The following PROSER3 variants were observed in gnomAD, a reference collection of about 807,000 sequenced individuals.
PROSER3 encodes the protein proline and serine-rich protein 3.
Under a neutral mutation model 50.2 loss-of-function variants are expected in PROSER3, and 33 were observed. The ratio of observed to expected loss-of-function variants is 0.66; its 90% CI spans 0.50 to 0.88. The LOEUF is 0.88. PROSER3 is among the 40% of genes least tolerant of loss of function. The probability of loss-of-function intolerance (pLI) is 0.00; values close to 1 mark genes in which losing one functional copy is unlikely to be tolerated. For synonymous variants in PROSER3, 266 were observed against 259.3 expected (o/e 1.03, Z -0.25); for missense variants, 623 against 612.7 (o/e 1.02, Z -0.18).
chr19:35,766,662 T>A lies in PROSER3; in HGVS notation c.770-106T>A, dbSNP rs1008783128. 8 of 763,234 alleles carry A rather than the reference T, an allele frequency of 1.0e-5. No homozygotes were observed. The African/African-American group carries it at 1.2e-4, about 12-fold the overall frequency. The allele number at this position is 763,234 out of a possible 1,614,324, so 47.3% of individuals were successfully genotyped here. ...GCTGGGACAGTATCTGGAGAGCCTG[T>A]CTGAGTAACCCCCTGCACAGTTGGA... On this transcript the variant is annotated intron_variant, in intron 7 of 10. Transcript: ENST00000396908.
intron 3 of PROSER3, among the ~76,000 whole-genome samples, chr19:35,760,850 T>C (rs1568409004): frequency 1.3e-5 from 2 of 152,246 alleles, no homozygotes; most frequent in Admixed American, 6.5e-5. Flanking sequence ...AGTTACTATA[T>C]ATAATGATCT....
At position 35,768,148 on chromosome 19, in the gene PROSER3, G is replaced by A. The variant is rs779537453; in HGVS notation, c.1220-7G>A. The A allele has an allele frequency of 5.6e-6, 9 of 1,612,474 alleles. No individual in the cohort carries two copies. In the East Asian group the frequency reaches 2.0e-4, roughly 36 times the overall value. On this transcript the variant is annotated splice_polypyrimidine_tract_variant and splice_region_variant and intron_variant, in intron 9 of 10. Transcript: ENST00000396908. ...CCTTGGAGCTCATTCTTTTCTCCCC[G>A]GCCCAGACTCCGACGGCAGCGAGTT...
chr19:35,759,416 G>A (rs557976946), exon 2 of PROSER3: 3 of 1,613,334 alleles, frequency 1.9e-6, no homozygotes, highest in African/African-American at 1.3e-5. Flanking sequence ...TTGGAGATGC[G>A]CCCCTGGGTC....
At chr19:35,759,493 G>T in intron 2 of PROSER3, 23 bp downstream of exon 2, 1 of 1,586,608 alleles carries the variant, frequency 6.3e-7, no homozygotes, top group Non-Finnish European at 8.6e-7. Flanking sequence ...CTCAAAGAGT[G>T]CTGAGTGCCA....
chr19:35,765,328 C>T (rs557173124), intron 7 of PROSER3, among the ~76,000 whole-genome samples, 152 bp downstream of exon 7: 1 of 152,264 alleles, frequency 6.6e-6, no homozygotes, highest in Non-Finnish European at 1.5e-5. Flanking sequence ...GCATGGAGGC[C>T]GAGGCGGGCA....
At chr19:35,765,789 T>C (rs1568412363) in intron 7 of PROSER3, among the ~76,000 whole-genome samples, 1 of 152,116 alleles carries the variant, frequency 6.6e-6, no homozygotes, top group Non-Finnish European at 1.5e-5. Context: ...CCCACCGCCT[T>C]CGCTTCCCAA....
rs1189278518 is a variant in PROSER3 at position 35,767,934 on chromosome 19, C to CCTCAGTGGCG, written c.1088_1089insCTCAGTGGCG (p.Val364SerfsTer27). ...CTCTCTCCAGCTGAGCAGGCAACCA[C>CCTCAGTGGCG]AGTCAAGGCCTCGCCGCCAGCCTTC... is the stretch of plus-strand genomic sequence containing the variant. On this transcript the variant is annotated frameshift_variant, in exon 9 of 11. Transcript: ENST00000396908. LOFTEE classifies it high-confidence loss of function. 1 of 1,612,032 alleles carries CCTCAGTGGCG rather than the reference C, an allele frequency of 6.2e-7. No homozygotes were observed. Among genetic ancestry groups the CCTCAGTGGCG allele is most frequent in the East Asian group, 2.2e-5 (1 of 44,864 alleles).
rs890198647 is a variant in PROSER3 at position 35,759,089 on chromosome 19, C to T, written c.12-285C>T. ...TTCTGTTGGTCTGGAATGGGAACCG[C>T]GCGCCTGTAACGTTGAAAAGCCCCT... On this transcript the variant is annotated intron_variant, in intron 1 of 10. Transcript: ENST00000396908. The T allele has an allele frequency of 6.6e-5, 23 of 349,508 alleles. No individual in the cohort carries two copies. The South Asian group carries it at 7.3e-4, about 11-fold the overall frequency. The allele number at this position is 349,508 out of a possible 1,614,324, so 21.7% of individuals were successfully genotyped here.
chr19:35,766,906 A>T, exon 8 of PROSER3: 4 of 1,553,942 alleles, frequency 2.6e-6, no homozygotes, highest in Non-Finnish European at 3.5e-6. Context: ...CAGGGAAGCA[A>T]GGGTGACAGA....
chr19:35,759,958 C>T lies in PROSER3; in HGVS notation c.278C>T (p.Thr93Ile), dbSNP rs556989127. The change falls in exon 3 of 11, where the codon ACC becomes ATC. Residue 93 changes from threonine to isoleucine, a missense_variant. Thr to Ile is a moderately conservative substitution (Grantham distance 89). Coordinates refer to ENST00000396908, the Ensembl canonical transcript of PROSER3. Reference sequence around the variant, plus strand: ...CAGATGTGGGCCTCCCCAGCACCCACCCTGATTGACAGCGGGGACTCCGTG... The same window carrying T: ...CAGATGTGGGCCTCCCCAGCACCCATCCTGATTGACAGCGGGGACTCCGTG... 3.1e-6 allele frequency: 5 copies of T among 1,604,214 alleles called. No individual in the cohort carries two copies. In the Middle Eastern group the frequency reaches 5.0e-4, roughly 160 times the overall value.
exon 8 of PROSER3, chr19:35,766,825 C>G (rs1320379746): frequency 3.9e-6 from 6 of 1,551,544 alleles, no homozygotes; most frequent in African/African-American, 1.4e-5. Flanking sequence ...CCAGCCTCCT[C>G]CCAAGCACCC....
At chr19:35,766,228 G>C (rs901471700) in intron 7 of PROSER3, among the ~76,000 whole-genome samples, 1 of 152,114 alleles carries the variant, frequency 6.6e-6, no homozygotes, top group Non-Finnish European at 1.5e-5. Flanking sequence ...TAACTCCAGT[G>C]TCCAGAACGG....
At chr19:35,767,833 G>A (rs760397364) in exon 9 of PROSER3, 6 of 1,613,114 alleles carry the variant, frequency 3.7e-6, no homozygotes, top group East Asian at 4.5e-5. Flanking sequence ...AGGCCTTGCC[G>A]CCCGCAGCGG....
intron 8 of PROSER3, chr19:35,767,638 C>A: frequency 1.1e-6 from 1 of 879,978 alleles, no homozygotes; most frequent in Non-Finnish European, 1.7e-6. Context: ...TCAGGGGTGT[C>A]CTGGGCCAGG....
intron 2 of PROSER3, 110 bp from the exon 3 acceptor site, chr19:35,759,679 G>T (rs541874170): frequency 1.8e-6 from 2 of 1,127,526 alleles, no homozygotes; most frequent in Admixed American, 2.3e-5. Context: ...ATCATTACAG[G>T]ATGTGTTTCC....
Position 35,767,797 on chromosome 19 carries a change from GGCCAAGGCCGAGTCTCTGAAA to G in PROSER3, c.961_981del (p.Glu321_Ala327del). 6.2e-7 allele frequency: 1 copy of G among 1,608,804 alleles called. No homozygotes were observed. The highest frequency in any genetic ancestry group is 1.3e-5 in the African/African-American group (1 of 74,968). On this transcript the variant is annotated splice_acceptor_variant and splice_polypyrimidine_tract_variant and coding_sequence_variant and intron_variant, in exon 9 of 11. Coordinates refer to ENST00000396908, the Ensembl canonical transcript of PROSER3. LOFTEE classifies it high-confidence loss of function. The stretch of plus-strand genomic sequence containing the variant: ...CCCCTCCATCTGAATCCCAGTGTCG[GGCCAAGGCCGAGTCTCTGAAA>G]GCCAAGGCCTTGCCGCCCGCAGCGG...
rs1483580688 is a variant in PROSER3, at chr19:35,759,480, C to A, written c.108+10C>A. 6.2e-7 allele frequency: 1 copy of A among 1,607,036 alleles called. No homozygotes were observed. The highest frequency in any genetic ancestry group is 1.3e-5 in the African/African-American group (1 of 74,866). Reference sequence around the variant, plus strand: ...GACCTGGTGTCCCAAGGTGAGGACACCCCTCAAAGAGTGCTGAGTGCCAGC... The same window carrying A: ...GACCTGGTGTCCCAAGGTGAGGACAACCCTCAAAGAGTGCTGAGTGCCAGC... On this transcript the variant is annotated intron_variant, in intron 2 of 10. Transcript: ENST00000396908.
chr19:35,760,520 T>A (rs897795749), intron 3 of PROSER3, among the ~76,000 whole-genome samples: 2 of 152,338 alleles, frequency 1.3e-5, no homozygotes, highest in East Asian at 1.9e-4. Flanking sequence ...AGTTTCACTC[T>A]TGTTGCCCAA....
Position 35,765,035 on chromosome 19 carries a change from A to C in PROSER3, c.628A>C (p.Lys210Gln), listed in dbSNP as rs764285089. 3.1e-6 allele frequency: 5 copies of C among 1,613,394 alleles called. No individual in the cohort carries two copies. Among genetic ancestry groups the C allele is most frequent in the Non-Finnish European group, 4.2e-6 (5 of 1,179,654 alleles). The change falls in exon 7 of 11, where the codon AAA (lysine) becomes CAA (glutamine). Residue 210 changes from lysine to glutamine, a missense_variant and splice_region_variant. Lys to Gln is a moderately conservative substitution (Grantham distance 53). Transcript: ENST00000396908. Reference sequence around the variant, plus strand: ...CTCACTCCTGCCTTCTCCCTGCAGCAAAGCCTCCATCTCCTCCTCCTCCTC... The same window carrying C: ...CTCACTCCTGCCTTCTCCCTGCAGCCAAGCCTCCATCTCCTCCTCCTCCTC...
Sources: gnomAD v4.1 joint callset for allele counts (sites outside exome capture counted in the v4.1 genomes callset) on GRCh38, gnomAD v4.1.1 for gene constraint, MANE v1.5 for transcripts, NCBI Gene and HGNC (gene_info 2026-07-23, HGNC 2026-07-21) for gene names.